Variants in LRRC7 observed in about 807,000 individuals in gnomAD.
LRRC7 encodes leucine-rich repeat-containing protein 7.
Under a neutral mutation model 175.7 loss-of-function variants are expected in LRRC7, and 23 were observed. That is an observed-to-expected ratio of 0.13 (90% CI 0.09 to 0.19). The LOEUF is 0.19. Among genes scored for constraint, LRRC7 ranks in the 10% least tolerant of loss-of-function variants. LRRC7 has a pLI of 1.00. For missense variants in LRRC7, 1,354 were observed against 1,904.7 expected (o/e 0.71, Z 5.38); for synonymous variants, 685 against 680.9 (o/e 1.01, Z -0.09).
intron 23 of LRRC7, among the ~76,000 whole-genome samples, chr1:70,055,658 T>C (rs1346498587): frequency 1.3e-5 from 2 of 152,164 alleles, no homozygotes; most frequent in East Asian, 3.9e-4. Flanking sequence ...CAAGCATGTC[T>C]TCACGTGATG....
chr1:69,694,495 T>C (rs1417436), intron 2 of LRRC7, among the ~76,000 whole-genome samples: 71,689 of 151,898 alleles, frequency 0.47, 17,177 homozygotes, highest in South Asian at 0.54. Context: ...TCTCAGCTTC[T>C]GTTAGATATC....
At chr1:69,953,783 C>T (rs1000053069) in intron 8 of LRRC7, among the ~76,000 whole-genome samples, 20 of 152,086 alleles carry the variant, frequency 1.3e-4, no homozygotes, top group Middle Eastern at 3.4e-3. Flanking sequence ...AAGAAGCATC[C>T]GCAGATTACC....
At chr1:70,020,190 C>G (rs1657336658) in intron 15 of LRRC7, among the ~76,000 whole-genome samples, 1 of 151,810 alleles carries the variant, frequency 6.6e-6, no homozygotes, top group African/African-American at 2.4e-5. Flanking sequence ...TCCCTTGTAA[C>G]AAAGAAAGAC....
intron 3 of LRRC7, among the ~76,000 whole-genome samples, chr1:69,773,653 A>G (rs777263899): frequency 4.6e-5 from 7 of 152,198 alleles, no homozygotes; most frequent in Non-Finnish European, 1.0e-4. Context: ...ATATGCCTGG[A>G]CCAGAAGAAA....
At chr1:69,719,753 A>C (rs997192758) in intron 2 of LRRC7, among the ~76,000 whole-genome samples, 1 of 151,712 alleles carries the variant, frequency 6.6e-6, no homozygotes, top group African/African-American at 2.4e-5. Context: ...AACCTCAAAC[A>C]ATACAAAAAA....
At chr1:69,654,314 T>C (rs1656294449) in intron 1 of LRRC7, among the ~76,000 whole-genome samples, 1 of 152,118 alleles carries the variant, frequency 6.6e-6, no homozygotes, top group Non-Finnish European at 1.5e-5. Context: ...TTTCATCTTA[T>C]CAATGGAAAC....
intron 16 of LRRC7, chr1:70,022,364 G>T (rs754422903): frequency 1.3e-5 from 2 of 152,000 alleles, no homozygotes; most frequent in African/African-American, 4.8e-5. Context: ...ATATTTCATT[G>T]AATTACCAAA....
chr1:69,585,342 A>G (rs1484727257), intron 1 of LRRC7, among the ~76,000 whole-genome samples: 1 of 152,174 alleles, frequency 6.6e-6, no homozygotes, highest in African/African-American at 2.4e-5. Context: ...TGCCAATTCA[A>G]AGAGCAAAAG....
chr1:69,829,908 G>A (rs1218388697), intron 5 of LRRC7, among the ~76,000 whole-genome samples: 2 of 151,642 alleles, frequency 1.3e-5, no homozygotes, highest in African/African-American at 2.4e-5. Context: ...ATATTGACAA[G>A]TCAGGCCCTT....
chr1:69,878,655 G>A (rs1329971641), intron 7 of LRRC7, among the ~76,000 whole-genome samples: 1 of 151,988 alleles, frequency 6.6e-6, no homozygotes, highest in African/African-American at 2.4e-5. Flanking sequence ...CTGTAGAACT[G>A]AAGATAAAGC....
intron 3 of LRRC7, among the ~76,000 whole-genome samples, chr1:69,783,859 G>A (rs1010331266): frequency 6.6e-6 from 1 of 151,142 alleles, no homozygotes; most frequent in Non-Finnish European, 1.5e-5. Context: ...ATTTCAGATA[G>A]GTCCAATCAA....
intron 1 of LRRC7, among the ~76,000 whole-genome samples, chr1:69,653,442 A>T (rs1265200303): frequency 1.3e-5 from 2 of 152,136 alleles, no homozygotes; most frequent in Non-Finnish European, 2.9e-5. Flanking sequence ...CTTATCTGTC[A>T]AGATGGTCAT....
chr1:69,726,545 G>A (rs187981623), intron 2 of LRRC7, among the ~76,000 whole-genome samples: 1 of 152,126 alleles, frequency 6.6e-6, no homozygotes, highest in Non-Finnish European at 1.5e-5. Context: ...TATCCAGGTA[G>A]CAATACTATG....
At chr1:69,791,961 A>T (rs1569900703) in intron 3 of LRRC7, 82 bp from the exon 4 acceptor site, 2 of 878,482 alleles carry the variant, frequency 2.3e-6, no homozygotes, top group East Asian at 2.5e-5. Context: ...ATATATAAAC[A>T]TGGTGACTTT....
At chr1:69,668,846 C>T (rs1013484053) in intron 1 of LRRC7, among the ~76,000 whole-genome samples, 3 of 152,112 alleles carry the variant, frequency 2.0e-5, no homozygotes, top group Admixed American at 6.6e-5. Context: ...TTCTAATTGG[C>T]ATGAGATGGT....
intron 1 of LRRC7, among the ~76,000 whole-genome samples, chr1:69,669,620 G>A (rs537156816): frequency 6.6e-6 from 1 of 152,218 alleles, no homozygotes; most frequent in East Asian, 1.9e-4. Flanking sequence ...TTTCTTAGGT[G>A]AGGAGTTATC....
In LRRC7 at chr1:70,144,078, A is replaced by C. The variant is rs1235653600; in HGVS notation, c.*22191A>C. 1.3e-5 allele frequency: 2 copies of C among 152,302 alleles called. No homozygotes were observed. Among genetic ancestry groups the C allele is most frequent in the African/African-American group, 4.8e-5 (2 of 41,574 alleles). 9.4% of individuals were successfully genotyped at this position (152,302 alleles called of 1,614,324 possible). A position where few individuals can be genotyped will look rare whatever the true frequency, so the allele number is the denominator to read the frequency against. On this transcript the variant is annotated 3_prime_UTR_variant, in exon 27 of 27. Transcript: ENST00000651989. ...ATCTATATTTTAAATTTACTGAACC[A>C]GTGAAATTAATTACTGTCAGTTAAT...
At chr1:69,753,748 A>T (rs959755575) in intron 2 of LRRC7, among the ~76,000 whole-genome samples, 6 of 152,072 alleles carry the variant, frequency 3.9e-5, no homozygotes, top group African/African-American at 1.4e-4. Flanking sequence ...CAGTCTAGGC[A>T]TGCTCTCTAG....
At chr1:69,777,907 C>T (rs1672998103) in intron 3 of LRRC7, among the ~76,000 whole-genome samples, 2 of 152,154 alleles carry the variant, frequency 1.3e-5, no homozygotes, top group Admixed American at 6.5e-5. Flanking sequence ...TATGACCAGA[C>T]TGTAACCTAA....
Sources: gnomAD v4.1 joint callset for allele counts (sites outside exome capture counted in the v4.1 genomes callset) on GRCh38, gnomAD v4.1.1 for gene constraint, MANE v1.5 for transcripts, NCBI Gene and HGNC (gene_info 2026-07-23, HGNC 2026-07-21) for gene names.